CSMD1: variants seen among roughly 807,000 people sequenced by gnomAD.
CSMD1 encodes the protein CUB and sushi domain-containing protein 1.
Under a neutral mutation model 417.5 loss-of-function variants are expected in CSMD1, and 213 were observed. The observed-to-expected ratio is 0.51, with a 90% CI of 0.46 to 0.57. The LOEUF (loss-of-function observed/expected upper bound fraction) is 0.57. Among genes scored for constraint, CSMD1 ranks in the 20% least tolerant of loss-of-function variants. The pLI is 0.00. For synonymous variants in CSMD1, 2,862 were observed against 1,736.8 expected (o/e 1.65, Z -16.11); for missense variants, 6,923 against 4,529.7 (o/e 1.53, Z -15.17).
intron 2 of CSMD1, among the ~76,000 whole-genome samples, chr8:4,559,961 G>C (rs1000100638): frequency 1.3e-5 from 2 of 152,280 alleles, no homozygotes; most frequent in East Asian, 3.9e-4. Flanking sequence ...GTAATCACAC[G>C]CTGTGGTCAT....
At chr8:4,154,068 T>A (rs908116549) in intron 3 of CSMD1, among the ~76,000 whole-genome samples, 2 of 152,164 alleles carry the variant, frequency 1.3e-5, no homozygotes, top group Admixed American at 1.3e-4. Context: ...AGGTAATAAA[T>A]AAATTGGAAG....
At chr8:4,801,286 T>C (rs1361144764) in intron 1 of CSMD1, among the ~76,000 whole-genome samples, 1 of 152,108 alleles carries the variant, frequency 6.6e-6, no homozygotes, top group African/African-American at 2.4e-5. Context: ...AATTGCAAAA[T>C]GAAATATGAA....
intron 3 of CSMD1, among the ~76,000 whole-genome samples, chr8:4,301,009 T>G (rs1797953805): frequency 6.6e-6 from 1 of 152,170 alleles, no homozygotes; most frequent in Non-Finnish European, 1.5e-5. Flanking sequence ...TGCATGTGTC[T>G]TTATAGCAGC....
intron 10 of CSMD1, among the ~76,000 whole-genome samples, chr8:3,517,935 T>G (rs1002599052): frequency 3.9e-5 from 6 of 152,140 alleles, no homozygotes; most frequent in Non-Finnish European, 7.4e-5. Context: ...GTTAATAGCT[T>G]CAACAAGTCA....
intron 3 of CSMD1, among the ~76,000 whole-genome samples, chr8:4,183,265 T>C (rs1175057218): frequency 1.3e-5 from 2 of 152,166 alleles, no homozygotes; most frequent in Admixed American, 6.5e-5. Flanking sequence ...GACTGAAAAT[T>C]TAATTCTGTA....
chr8:4,026,469 A>T (rs1305271190), intron 4 of CSMD1, among the ~76,000 whole-genome samples: 1 of 152,222 alleles, frequency 6.6e-6, no homozygotes, highest in Non-Finnish European at 1.5e-5. Flanking sequence ...ACGATTATGG[A>T]AATTTTAAAG....
intron 2 of CSMD1, among the ~76,000 whole-genome samples, chr8:4,424,031 T>C (rs927866440): frequency 6.6e-6 from 1 of 152,006 alleles, no homozygotes; most frequent in Admixed American, 6.6e-5. Flanking sequence ...TAACACCTTA[T>C]ATAAAAATTA....
At chr8:3,400,651 T>C (rs977284527) in intron 15 of CSMD1, among the ~76,000 whole-genome samples, 1 of 151,972 alleles carries the variant, frequency 6.6e-6, no homozygotes, top group African/African-American at 2.4e-5. Context: ...ATCTTTGCAA[T>C]AGAATGTTAA....
At chr8:4,278,722 T>C (rs1796621453) in intron 3 of CSMD1, among the ~76,000 whole-genome samples, 1 of 152,224 alleles carries the variant, frequency 6.6e-6, no homozygotes, top group African/African-American at 2.4e-5. Context: ...TGTAACTTGC[T>C]GCCACTATCA....
At chr8:4,632,756 G>A (rs1333550751) in intron 2 of CSMD1, among the ~76,000 whole-genome samples, 1 of 152,152 alleles carries the variant, frequency 6.6e-6, no homozygotes, top group Non-Finnish European at 1.5e-5. Context: ...GAAAATGTAC[G>A]TGGGTTGTTG....
chr8:4,677,742 G>A (rs899107291), intron 1 of CSMD1, among the ~76,000 whole-genome samples: 6 of 152,118 alleles, frequency 3.9e-5, no homozygotes, highest in Admixed American at 1.3e-4. Flanking sequence ...GGCAACAGAT[G>A]CTCATCAAAT....
At chr8:4,571,262 T>C (rs1001157401) in intron 2 of CSMD1, among the ~76,000 whole-genome samples, 1 of 152,234 alleles carries the variant, frequency 6.6e-6, no homozygotes, top group Non-Finnish European at 1.5e-5. Context: ...CTTTCCTGCT[T>C]TCTCATGTGA....
chr8:4,601,100 G>A (rs1468749908), intron 2 of CSMD1, among the ~76,000 whole-genome samples: 1 of 152,042 alleles, frequency 6.6e-6, no homozygotes, highest in Non-Finnish European at 1.5e-5. Context: ...GGGATTACAG[G>A]CATGCGCCAC....
At chr8:4,891,569 A>C (rs1804125135) in intron 1 of CSMD1, among the ~76,000 whole-genome samples, 1 of 152,094 alleles carries the variant, frequency 6.6e-6, no homozygotes, top group South Asian at 2.1e-4. Context: ...AGCATCTTGC[A>C]ATTTATTTTT....
chr8:4,832,801 T>A (rs753898402), intron 1 of CSMD1, among the ~76,000 whole-genome samples: 4 of 152,120 alleles, frequency 2.6e-5, no homozygotes, highest in Non-Finnish European at 4.4e-5. Context: ...AGCCGAGACA[T>A]TCATCCTCAG....
At chr8:3,799,512 C>A (rs930637589) in intron 5 of CSMD1, among the ~76,000 whole-genome samples, 1 of 150,066 alleles carries the variant, frequency 6.7e-6, no homozygotes, top group Admixed American at 6.7e-5. Context: ...GTAAAGCATA[C>A]ATGTAACATT....
At chr8:3,448,418 G>GGAA (rs547403033) in intron 12 of CSMD1, among the ~76,000 whole-genome samples, 8,060 of 136,890 alleles carry the variant, frequency 0.059, 1,078 homozygotes, top group Middle Eastern at 0.1. Context: ...AAGGAAGGAA[G>GGAA]GGAAGGAAGA....
chr8:4,388,087 C>A (rs1803580373), intron 3 of CSMD1, among the ~76,000 whole-genome samples: 1 of 152,046 alleles, frequency 6.6e-6, no homozygotes, highest in Non-Finnish European at 1.5e-5. Flanking sequence ...CAGAAGTAAA[C>A]CAGGACTAAA....
chr8:3,968,610 G>T (rs1258030454), intron 5 of CSMD1, among the ~76,000 whole-genome samples: 1 of 152,150 alleles, frequency 6.6e-6, no homozygotes, highest in Non-Finnish European at 1.5e-5. Context: ...CGCTAAGGAA[G>T]ATGTCTTTCT....
Sources: gnomAD v4.1 joint callset for allele counts (sites outside exome capture counted in the v4.1 genomes callset) on GRCh38, gnomAD v4.1.1 for gene constraint, MANE v1.5 for transcripts, NCBI Gene and HGNC (gene_info 2026-07-23, HGNC 2026-07-21) for gene names.